Variants in DLC1 observed in about 807,000 individuals in gnomAD.
The protein encoded by DLC1 is DLC1 Rho GTPase activating protein, also known as rho GTPase-activating protein 7.
Under a neutral mutation model 140.3 loss-of-function variants are expected in DLC1, and 54 were observed. That is an observed-to-expected ratio of 0.38 (90% CI 0.31 to 0.48). The LOEUF (loss-of-function observed/expected upper bound fraction) is 0.48, where lower values mean the gene tolerates loss of function less well. DLC1 is among the 20% of genes least tolerant of loss of function. The pLI is 0.96. For missense variants in DLC1, 2,536 were observed against 1,907.0 expected (o/e 1.33, Z -6.14); for synonymous variants, 986 against 728.1 (o/e 1.35, Z -5.70).
Position 13,105,517 on chromosome 8 carries a change from A to T in DLC1, c.1503-2664T>A, listed in dbSNP as rs147908774. On this transcript the variant is annotated intron_variant, in intron 7 of 17. Coordinates refer to ENST00000276297, the MANE Select transcript of DLC1 (RefSeq NM_182643.3). ...GAAATGGGGCTCAGGGAGGTCACAG[A>T]TCTTGTCTAAGTCCACACGATTAAA... 3.4e-3 allele frequency among the ~76,000 whole-genome samples: 524 copies of T among 152,052 alleles called. 1 individual carries two copies. Among genetic ancestry groups the T allele is most frequent in the African/African-American group, 0.012 (501 of 41,496 alleles).
intron 6 of DLC1, among the ~76,000 whole-genome samples, chr8:13,113,441 A>T (rs1226676449): frequency 6.6e-6 from 1 of 152,228 alleles, no homozygotes; most frequent in Non-Finnish European, 1.5e-5. Context: ...GGGACCCCAA[A>T]TGTAACTTGT....
chr8:13,410,473 T>C (rs779231448), intron 2 of DLC1, among the ~76,000 whole-genome samples: 5 of 151,986 alleles, frequency 3.3e-5, no homozygotes, highest in Non-Finnish European at 7.4e-5. Flanking sequence ...TACGAAAATC[T>C]GATAATTTCA....
intron 2 of DLC1, among the ~76,000 whole-genome samples, chr8:13,410,657 A>G (rs909017668): frequency 6.6e-6 from 1 of 152,108 alleles, no homozygotes; most frequent in Non-Finnish European, 1.5e-5. Flanking sequence ...CATTATAAAA[A>G]AAAAACAAAA....
intron 1 of DLC1, among the ~76,000 whole-genome samples, chr8:13,513,701 C>G (rs1802475780): frequency 6.6e-6 from 1 of 152,034 alleles, no homozygotes; most frequent in East Asian, 1.9e-4. Context: ...CATTACTAAA[C>G]TTCTTTTCTA....
intron 2 of DLC1, among the ~76,000 whole-genome samples, chr8:13,467,854 C>A (rs1415212631): frequency 6.6e-6 from 1 of 152,062 alleles, no homozygotes; most frequent in Non-Finnish European, 1.5e-5. Context: ...TTTAAAATAA[C>A]ATATATAGAT....
chr8:13,378,866 C>T (rs1017041667), intron 4 of DLC1, among the ~76,000 whole-genome samples: 1 of 152,064 alleles, frequency 6.6e-6, no homozygotes, highest in African/African-American at 2.4e-5. Context: ...TCCACTCTGA[C>T]AATATTCTTA....
intron 5 of DLC1, among the ~76,000 whole-genome samples, chr8:13,157,099 C>G (rs895111609): frequency 1.3e-5 from 2 of 152,150 alleles, no homozygotes; most frequent in African/African-American, 4.8e-5. Context: ...CACGCTGACC[C>G]TGCAAACTTA....
intron 12 of DLC1, 146 bp from the exon 13 acceptor site, chr8:13,092,971 T>G: frequency 1.1e-6 from 1 of 901,782 alleles, no homozygotes; most frequent in South Asian, 1.8e-5. Flanking sequence ...GTTAATACGG[T>G]AAAAGTTATG....
intron 5 of DLC1, among the ~76,000 whole-genome samples, chr8:13,250,431 C>G (rs1046466539): frequency 6.6e-6 from 1 of 152,124 alleles, no homozygotes; most frequent in African/African-American, 2.4e-5. Context: ...ATGTCCTAGA[C>G]TGATAAAATT....
At chr8:13,127,762 G>A (rs1484783300) in intron 5 of DLC1, among the ~76,000 whole-genome samples, 3 of 152,206 alleles carry the variant, frequency 2.0e-5, no homozygotes, top group African/African-American at 4.8e-5. Flanking sequence ...ATCCTTTAGA[G>A]ACTCCTGCGA....
At position 13,194,136 on chromosome 8, in the gene DLC1, T is replaced by C. The variant is rs191276665; in HGVS notation, c.1349-78479A>G. ...ACAGAGAAATGAGCACTTAATCTTC[T>C]AGGAAGAAAACATACCTGTGTTCAA... On this transcript the variant is annotated intron_variant, in intron 5 of 17. Coordinates refer to ENST00000276297, the MANE Select transcript of DLC1 (RefSeq NM_182643.3). Among the ~76,000 whole-genome samples, 370 of 152,322 alleles carry C rather than the reference T, an allele frequency of 2.4e-3. 1 individual carries two copies. The highest frequency in any genetic ancestry group is 8.7e-3 in the African/African-American group (360 of 41,580).
chr8:13,544,923 G>A (rs892062680), intron 1 of DLC1, among the ~76,000 whole-genome samples: 2 of 152,108 alleles, frequency 1.3e-5, no homozygotes, highest in African/African-American at 2.4e-5. Flanking sequence ...GCCACAGTGA[G>A]TACTCTGCCA....
intron 12 of DLC1, among the ~76,000 whole-genome samples, chr8:13,093,813 A>G (rs1818282721): frequency 6.6e-6 from 1 of 152,240 alleles, no homozygotes; most frequent in Admixed American, 6.5e-5. Flanking sequence ...GAGCGCTAAG[A>G]GAGGCTGCTT....
intron 5 of DLC1, among the ~76,000 whole-genome samples, chr8:13,123,185 A>T (rs1413806651): frequency 1.3e-5 from 2 of 152,146 alleles, no homozygotes; most frequent in African/African-American, 4.8e-5. Flanking sequence ...TGTACACGTC[A>T]CGTTAGTGAG....
chr8:13,225,423 C>T (rs924116672), intron 5 of DLC1, among the ~76,000 whole-genome samples: 2 of 152,086 alleles, frequency 1.3e-5, no homozygotes, highest in Non-Finnish European at 1.5e-5. Flanking sequence ...ATCTCATTCA[C>T]CCCCTTCCCC....
chr8:13,385,384 G>C (rs1447464273), intron 4 of DLC1, among the ~76,000 whole-genome samples: 2 of 152,244 alleles, frequency 1.3e-5, no homozygotes, highest in Non-Finnish European at 2.9e-5. Context: ...AGGTCATCTG[G>C]ATTATACCAG....
intron 5 of DLC1, among the ~76,000 whole-genome samples, chr8:13,172,687 G>T (rs1688237082): frequency 1.3e-5 from 2 of 152,326 alleles, no homozygotes; most frequent in Non-Finnish European, 1.5e-5. Flanking sequence ...TTTGAATATA[G>T]ATTTGTGTGG....
intron 5 of DLC1, among the ~76,000 whole-genome samples, chr8:13,292,326 T>A (rs1831787844): frequency 6.6e-6 from 1 of 152,230 alleles, no homozygotes; most frequent in African/African-American, 2.4e-5. Flanking sequence ...TCTATTGTCA[T>A]GGACCATCTG....
intron 10 of DLC1, among the ~76,000 whole-genome samples, chr8:13,096,792 G>A (rs1818531946): frequency 6.6e-6 from 1 of 152,222 alleles, no homozygotes; most frequent in East Asian, 1.9e-4. Context: ...ACTTTCTCAA[G>A]CAACTTGGGT....
Sources: gnomAD v4.1 joint callset for allele counts (sites outside exome capture counted in the v4.1 genomes callset) on GRCh38, gnomAD v4.1.1 for gene constraint, MANE v1.5 for transcripts, NCBI Gene and HGNC (gene_info 2026-07-23, HGNC 2026-07-21) for gene names.